The following PACRGL variants were observed in gnomAD, a reference collection of about 807,000 sequenced individuals.
The protein encoded by PACRGL is parkin coregulated like, also known as PACRG-like protein.
Under a neutral mutation model 34.5 loss-of-function variants are expected in PACRGL, and 38 were observed. The ratio of observed to expected loss-of-function variants is 1.10; its 90% confidence interval spans 0.85 to 1.44. The LOEUF is 1.44. Among genes scored for constraint, PACRGL ranks in the 40% most tolerant of loss-of-function variants. The pLI is 0.00. For missense variants in PACRGL, 305 were observed against 281.4 expected (o/e 1.08, Z -0.60); for synonymous variants, 128 against 100.1 (o/e 1.28, Z -1.66).
At chr4:20,754,305 A>G (rs886306565), downstream of PACRGL, among the ~76,000 whole-genome samples, 3 of 152,238 alleles carry the variant, frequency 2.0e-5, no homozygotes, top group South Asian at 6.2e-4. Flanking sequence ...CAAATTGCAG[A>G]GAGTTCTGTA....
the PACRGL span, among the ~76,000 whole-genome samples, chr4:20,760,499 T>C: frequency 6.6e-6 from 1 of 152,208 alleles, no homozygotes. Flanking sequence ...TGCAGAATTT[T>C]CTATTTTCTC....
chr4:20,697,995 G>A (rs142702972), upstream of PACRGL, among the ~76,000 whole-genome samples: 41 of 152,252 alleles, frequency 2.7e-4, no homozygotes, highest in Non-Finnish European at 5.6e-4. Context: ...ATAGCAGAAA[G>A]ATGTGATCTT....
At chr4:20,743,439 A>T (rs1284101615) in intron 8 of PACRGL, among the ~76,000 whole-genome samples, 1 of 152,204 alleles carries the variant, frequency 6.6e-6, no homozygotes, top group Non-Finnish European at 1.5e-5. Flanking sequence ...CCAATGGAAC[A>T]GAACAGAGCC....
At chr4:20,716,189 T>G (rs1331009348) in intron 7 of PACRGL, 1 of 1,059,520 alleles carries the variant, frequency 9.4e-7, no homozygotes, top group Non-Finnish European at 1.4e-6. Context: ...TCAGGAAAGC[T>G]GTTACTGGCT....
intron 1 of PACRGL, chr4:20,702,289 G>A (rs946316052): frequency 1.1e-5 from 5 of 448,330 alleles, no homozygotes; most frequent in African/African-American, 1.0e-4. Context: ...ATGTTTGTGG[G>A]TACGCGTCTT....
intron 7 of PACRGL, among the ~76,000 whole-genome samples, chr4:20,722,167 A>G (rs1220467522): frequency 6.6e-6 from 1 of 152,196 alleles, no homozygotes; most frequent in Non-Finnish European, 1.5e-5. Context: ...TGCTAAGACC[A>G]TTGGAAAAGT....
intron 8 of PACRGL, among the ~76,000 whole-genome samples, chr4:20,748,622 A>AATGTATATAT (rs1752955152): frequency 7.4e-6 from 1 of 134,538 alleles, no homozygotes; most frequent in Non-Finnish European, 1.6e-5. Context: ...AGTAAATATA[A>AATGTATATAT]ATGTATATAT....
Position 20,727,361 on chromosome 4 carries a change from TTG to T in PACRGL, c.*22_*23del. On this transcript the variant is annotated 3_prime_UTR_variant, in exon 9 of 9. Transcript: ENST00000503585. ...TGTTGAAGAAGGGAGCCAACAAAAA[TTG>T]TTTTTTCTACCTGTTGACGTGTCAA... 6.3e-7 allele frequency: 1 copy of T among 1,594,090 alleles called. No homozygotes were observed. Among genetic ancestry groups the T allele is most frequent in the Non-Finnish European group, 8.6e-7 (1 of 1,162,140 alleles).
rs2149218690 is a variant in PACRGL at position 20,727,486 on chromosome 4, T to C, written c.*145T>C. Reference sequence around the variant, plus strand: ...AGATGAATAGACACTGAATCAAAGTTATTCATCAACAAAAAAGAACAGTTA... The same window carrying C: ...AGATGAATAGACACTGAATCAAAGTCATTCATCAACAAAAAAGAACAGTTA... On this transcript the variant is annotated 3_prime_UTR_variant, in exon 9 of 9. Transcript: ENST00000503585. The C allele has an allele frequency of 5.0e-6, 3 of 596,314 alleles. No individual in the cohort carries two copies. The highest frequency in any genetic ancestry group is 5.6e-5 in the East Asian group (2 of 35,908). The allele number at this position is 596,314 out of a possible 1,614,324, so 36.9% of individuals were successfully genotyped here. A position where few individuals can be genotyped will look rare whatever the true frequency, so the allele number is the denominator to read the frequency against.
rs995788758 is a variant in PACRGL, at chr4:20,728,609, A to C, written c.*1268A>C. The C allele has an allele frequency of 1.3e-5, 2 of 152,638 alleles. No homozygotes were observed. Among genetic ancestry groups the C allele is most frequent in the Non-Finnish European group, 2.9e-5 (2 of 68,036 alleles). The allele number at this position is 152,638 out of a possible 1,614,324, so 9.5% of individuals were successfully genotyped here. A position where few individuals can be genotyped will look rare whatever the true frequency, so the allele number is the denominator to read the frequency against. The stretch of plus-strand genomic sequence containing the variant: ...AAAAGACCTGTAACATAGACAGTAG[A>C]GTTATAAACATTTTATTTTGCTTTT... On this transcript the variant is annotated 3_prime_UTR_variant, in exon 9 of 9. Coordinates refer to ENST00000503585, the MANE Select transcript of PACRGL (RefSeq NM_001258345.3).
intron 7 of PACRGL, among the ~76,000 whole-genome samples, chr4:20,719,198 G>T (rs1405275201): frequency 2.0e-5 from 3 of 151,992 alleles, no homozygotes. Flanking sequence ...ATTTTTTATT[G>T]CGTCTATTTG....
upstream of PACRGL, among the ~76,000 whole-genome samples, chr4:20,700,145 G>C (rs1731571365): frequency 6.6e-6 from 1 of 152,198 alleles, no homozygotes. Flanking sequence ...TATTAAGTGT[G>C]CGAGAAAAGC....
rs1747347902 is a variant in PACRGL at position 20,729,585 on chromosome 4, G to GTAACCTTGTTT, written c.*2247_*2248insCCTTGTTTTAA. ...GGAACTATGTGTTTTTTTAATTGTT[G>GTAACCTTGTTT]TAATCTTGTTTCCTTAAAGTATATA... is the stretch of plus-strand genomic sequence containing the variant. On this transcript the variant is annotated 3_prime_UTR_variant, in exon 9 of 9. Transcript: ENST00000503585. 8.1e-6 allele frequency: 1 copy of GTAACCTTGTTT among 123,754 alleles called. No individual in the cohort carries two copies. The highest frequency in any genetic ancestry group is 7.6e-5 in the Admixed American group (1 of 13,092). The allele number at this position is 123,754 out of a possible 1,614,324, so 7.7% of individuals were successfully genotyped here.
intron 7 of PACRGL, among the ~76,000 whole-genome samples, chr4:20,722,580 G>A (rs979106632): frequency 2.0e-5 from 3 of 152,138 alleles, no homozygotes; most frequent in Admixed American, 2.0e-4. Context: ...GGTTTTTATT[G>A]GTGTCTGTCA....
intron 5 of PACRGL, among the ~76,000 whole-genome samples, chr4:20,711,149 G>T (rs1336683955): frequency 6.6e-6 from 1 of 151,944 alleles, no homozygotes; most frequent in South Asian, 2.1e-4. Context: ...TTTAAACCAG[G>T]TAGCAAACCA....
At chr4:20,757,761 T>A (rs1419791879), downstream of PACRGL, among the ~76,000 whole-genome samples, 3 of 152,144 alleles carry the variant, frequency 2.0e-5, no homozygotes, top group Non-Finnish European at 4.4e-5. Context: ...AGTTTCCACG[T>A]GTGTATCTTT....
At chr4:20,744,464 G>T (rs1207997690) in intron 8 of PACRGL, among the ~76,000 whole-genome samples, 11 of 151,298 alleles carry the variant, frequency 7.3e-5, no homozygotes, top group Non-Finnish European at 1.3e-4. Flanking sequence ...CATGTCCTTT[G>T]TAGGGACATG....
At chr4:20,709,311 A>C (rs1279909120) in intron 4 of PACRGL, among the ~76,000 whole-genome samples, 6 of 152,186 alleles carry the variant, frequency 3.9e-5, no homozygotes, top group East Asian at 1.9e-4. Flanking sequence ...TATCTGAAAA[A>C]CAATGTTCCT....
intron 8 of PACRGL, among the ~76,000 whole-genome samples, chr4:20,745,607 CA>C (rs1002889518): frequency 6.6e-6 from 1 of 152,046 alleles, no homozygotes; most frequent in African/African-American, 2.4e-5. Context: ...CCCTAAAGTA[CA>C]AAAAATGATA....
Sources: gnomAD v4.1 joint callset for allele counts (sites outside exome capture counted in the v4.1 genomes callset) on GRCh38, gnomAD v4.1.1 for gene constraint, MANE v1.5 for transcripts, NCBI Gene and HGNC (gene_info 2026-07-23, HGNC 2026-07-21) for gene names.